The following ULK4 variants were observed in gnomAD, a reference collection of about 807,000 sequenced individuals.
The protein encoded by ULK4 is unc-51 like kinase 4.
Under a neutral mutation model 160.6 loss-of-function variants are expected in ULK4, and 133 were observed. The observed-to-expected ratio is 0.83, with a 90% confidence interval of 0.72 to 0.96. The LOEUF (loss-of-function observed/expected upper bound fraction) is 0.96. Ranked by LOEUF, ULK4 falls within the 40% of genes least tolerant of loss-of-function variation. ULK4 has a pLI of 0.00. For synonymous variants in ULK4, 534 were observed against 539.8 expected (o/e 0.99, Z 0.15); for missense variants, 1,580 against 1,499.5 (o/e 1.05, Z -0.89).
intron 19 of ULK4, among the ~76,000 whole-genome samples, chr3:41,817,092 A>G (rs986170991): frequency 4.8e-5 from 7 of 145,090 alleles, no homozygotes; most frequent in Non-Finnish European, 7.4e-5. Context: ...GTGTGTGTGT[A>G]CTCACGCATG....
intron 21 of ULK4, among the ~76,000 whole-genome samples, chr3:41,781,266 A>C (rs532648428): frequency 6.6e-6 from 1 of 152,162 alleles, no homozygotes; most frequent in East Asian, 1.9e-4. Flanking sequence ...AAATACAAAA[A>C]ATTAGCCGGG....
intron 30 of ULK4, among the ~76,000 whole-genome samples, chr3:41,641,304 T>G (rs1413249491): frequency 6.6e-6 from 1 of 152,224 alleles, no homozygotes; most frequent in East Asian, 1.9e-4. Flanking sequence ...CTTTTGCTTC[T>G]GAAGATAAGA....
At chr3:41,556,985 A>T (rs2087324492) in intron 32 of ULK4, among the ~76,000 whole-genome samples, 1 of 152,198 alleles carries the variant, frequency 6.6e-6, no homozygotes, top group South Asian at 2.1e-4. Context: ...CCTAAATAAA[A>T]TATTAACAAA....
chr3:41,796,201 GGAACAAATGAACTGAAT>G (rs1378158302), intron 20 of ULK4, among the ~76,000 whole-genome samples: 1 of 152,044 alleles, frequency 6.6e-6, no homozygotes, highest in African/African-American at 2.4e-5. Context: ...TACACTAAGG[GGAACAAATGAACTGAAT>G]GAACAAATCA....
intron 35 of ULK4, among the ~76,000 whole-genome samples, chr3:41,309,335 T>C (rs2080005448): frequency 6.6e-6 from 1 of 151,936 alleles, no homozygotes; most frequent in East Asian, 1.9e-4. Context: ...AGGGAATATA[T>C]ATATTTTAAG....
intron 35 of ULK4, among the ~76,000 whole-genome samples, chr3:41,363,571 C>T (rs888383290): frequency 1.3e-5 from 2 of 152,166 alleles, no homozygotes; most frequent in Admixed American, 6.5e-5. Context: ...CAACACTGAA[C>T]CCCTCAGCAG....
intron 35 of ULK4, among the ~76,000 whole-genome samples, chr3:41,358,255 C>T (rs113811470): frequency 0.013 from 1,923 of 152,268 alleles, 57 homozygotes; most frequent in African/African-American, 0.044. Context: ...TTTAAACAAA[C>T]CATATCCCTA....
chr3:41,489,009 T>C (rs755022966), intron 32 of ULK4, among the ~76,000 whole-genome samples: 3 of 152,240 alleles, frequency 2.0e-5, no homozygotes, highest in East Asian at 3.9e-4. Flanking sequence ...ACTGAGGCTC[T>C]ATCTCAGCCC....
chr3:41,922,858 G>C (rs1331003594), intron 5 of ULK4, among the ~76,000 whole-genome samples: 2 of 152,142 alleles, frequency 1.3e-5, no homozygotes, highest in Admixed American at 6.5e-5. Flanking sequence ...CTTAAGAAAG[G>C]TTCTTCAGGA....
intron 30 of ULK4, among the ~76,000 whole-genome samples, chr3:41,634,558 G>C (rs2125707584): frequency 6.6e-6 from 1 of 152,260 alleles, no homozygotes. Flanking sequence ...TAGCGTGTGG[G>C]TCACTTCAAG....
At chr3:41,254,320 T>C (rs558954875) in intron 35 of ULK4, among the ~76,000 whole-genome samples, 1 of 152,310 alleles carries the variant, frequency 6.6e-6, no homozygotes, top group South Asian at 2.1e-4. Context: ...GGAATTAAAC[T>C]AGCAATTAAT....
At chr3:41,696,028 C>G (rs1016983193) in intron 27 of ULK4, among the ~76,000 whole-genome samples, 2 of 152,204 alleles carry the variant, frequency 1.3e-5, no homozygotes, top group African/African-American at 4.8e-5. Context: ...AAGACGCCCG[C>G]TGCCAAGCGG....
chr3:41,705,419 A>T, intron 25 of ULK4, 114 bp from the exon 26 acceptor site: 1 of 641,372 alleles, frequency 1.6e-6, no homozygotes, highest in Non-Finnish European at 2.6e-6. Context: ...ACTCATAGAC[A>T]GTATTAAATA....
chr3:41,458,993 A>T, intron 33 of ULK4, among the ~76,000 whole-genome samples: 1 of 150,060 alleles, frequency 6.7e-6, no homozygotes, highest in East Asian at 2.0e-4. Flanking sequence ...AGACCTCATG[A>T]TCTGCCTGCC....
rs144858202 is a variant in ULK4 at position 41,813,375 on chromosome 3, C to A, written c.1848+6048G>T. Among the ~76,000 whole-genome samples, 474 of 152,170 alleles carry A rather than the reference C, an allele frequency of 3.1e-3. 1 individual carries two copies. Among genetic ancestry groups the A allele is most frequent in the African/African-American group, 0.011 (450 of 41,522 alleles). ...TTTTATTATTCATATTTTCTTAATTCCAAAATTATTTTCTGAACTATAGTT... is the reference window on the plus strand; with the variant it reads ...TTTTATTATTCATATTTTCTTAATTACAAAATTATTTTCTGAACTATAGTT... On this transcript the variant is annotated intron_variant, in intron 19 of 36. Coordinates refer to ENST00000301831, the MANE Select transcript of ULK4 (RefSeq NM_017886.4).
chr3:41,618,379 G>C (rs1446534696), intron 30 of ULK4, among the ~76,000 whole-genome samples: 1 of 152,152 alleles, frequency 6.6e-6, no homozygotes, highest in Non-Finnish European at 1.5e-5. Context: ...AGAGAGAAAG[G>C]TCAGGTTACC....
intron 4 of ULK4, among the ~76,000 whole-genome samples, chr3:41,934,046 T>A (rs568633554): frequency 1.7e-3 from 263 of 151,996 alleles, no homozygotes; most frequent in African/African-American, 6.1e-3. Flanking sequence ...TCAAAAAAAA[T>A]AATAATAAAA....
At chr3:41,327,376 T>C (rs943400713) in intron 35 of ULK4, among the ~76,000 whole-genome samples, 2 of 152,176 alleles carry the variant, frequency 1.3e-5, no homozygotes, top group African/African-American at 4.8e-5. Context: ...TGGTCATTTA[T>C]GATTAGTCTC....
At chr3:41,546,889 G>T (rs115165801) in intron 32 of ULK4, among the ~76,000 whole-genome samples, 1,539 of 152,018 alleles carry the variant, frequency 0.01, 17 homozygotes, top group Non-Finnish European at 0.015. Flanking sequence ...TGCTCTTCTG[G>T]CCTCTGCTGA....
Sources: gnomAD v4.1 joint callset for allele counts (sites outside exome capture counted in the v4.1 genomes callset) on GRCh38, gnomAD v4.1.1 for gene constraint, MANE v1.5 for transcripts, NCBI Gene and HGNC (gene_info 2026-07-23, HGNC 2026-07-21) for gene names.